CMTM4: variants seen among roughly 807,000 people sequenced by gnomAD.
CMTM4 encodes CKLF like MARVEL transmembrane domain containing 4.
CMTM4 carries 8 observed loss-of-function variants against 19.0 expected under a neutral mutation model. The observed-to-expected ratio is 0.42, with a 90% CI of 0.25 to 0.76. The LOEUF (loss-of-function observed/expected upper bound fraction) is 0.76, where lower values mean the gene tolerates loss of function less well. CMTM4 is among the 30% of genes least tolerant of loss of function. The probability of loss-of-function intolerance (pLI) is 0.27; values close to 1 mark genes in which losing one functional copy is unlikely to be tolerated. For missense variants in CMTM4, 228 were observed against 290.2 expected, an observed-to-expected ratio of 0.79 and a Z score of 1.56; for synonymous variants, 106 against 121.1, an observed-to-expected ratio of 0.88 and a Z score of 0.82.
intron 1 of CMTM4, among the ~76,000 whole-genome samples, chr16:66,645,938 C>T (rs2016187214): frequency 3.3e-5 from 5 of 152,096 alleles, no homozygotes; most frequent in Non-Finnish European, 7.3e-5. Flanking sequence ...GAGATTGCGC[C>T]ACTGTACTCC....
At chr16:66,640,337 C>T (rs1016566218) in intron 1 of CMTM4, among the ~76,000 whole-genome samples, 1 of 152,158 alleles carries the variant, frequency 6.6e-6, no homozygotes, top group Non-Finnish European at 1.5e-5. Context: ...AAAGTTTAGA[C>T]AGAGTGTCCC....
At position 66,696,161 on chromosome 16, in the gene CMTM4, A is replaced by T. The variant is rs1236694925; in HGVS notation, c.186+179T>A. 6.6e-6 allele frequency among the ~76,000 whole-genome samples: 1 copy of T among 152,136 alleles called. No individual in the cohort carries two copies. Among genetic ancestry groups the T allele is most frequent in the African/African-American group, 2.4e-5 (1 of 41,452 alleles). ...CCTGGGAAGGGCAGGCTCTGGCCGA[A>T]GGCGGGGTCCCCAGAGAAGGCTGCA... On this transcript the variant is annotated intron_variant, in intron 1 of 3. Coordinates refer to ENST00000394106, the MANE Select transcript of CMTM4 (RefSeq NM_181521.3). The surrounding 1 kb of genome is among the most constrained non-coding windows in gnomAD (Gnocchi z 4.3).
At chr16:66,694,518 G>C (rs1338915629) in intron 1 of CMTM4, among the ~76,000 whole-genome samples, 3 of 151,762 alleles carry the variant, frequency 2.0e-5, no homozygotes, top group Non-Finnish European at 1.5e-5. Context: ...GACCAGCCTG[G>C]CCAGGCCAAC....
In CMTM4 at chr16:66,619,227, G is replaced by A. The variant is rs1366925550; in HGVS notation, c.*2831C>T. ...GAAGGATATCAAAGAGAATCAGAGG[G>A]AAAAAATACCAAATCCACCCAATCA... On this transcript the variant is annotated 3_prime_UTR_variant, in exon 4 of 4. Coordinates refer to ENST00000394106, the MANE Select transcript of CMTM4 (RefSeq NM_181521.3). 2.0e-6 allele frequency: 2 copies of A among 985,270 alleles called. No individual in the cohort carries two copies. The highest frequency in any genetic ancestry group is 1.2e-4 in the Admixed American group (2 of 16,266). 61.0% of individuals were successfully genotyped at this position (985,270 alleles called of 1,614,324 possible).
chr16:66,607,602 A>C, the CMTM4 span, among the ~76,000 whole-genome samples: 194 of 152,332 alleles, frequency 1.3e-3, 3 homozygotes, highest in East Asian at 0.014. Context: ...TTTCAAGGTG[A>C]AATCTACATT....
chr16:66,630,063 C>T (rs2015819123), intron 2 of CMTM4, among the ~76,000 whole-genome samples: 1 of 152,138 alleles, frequency 6.6e-6, no homozygotes, highest in Non-Finnish European at 1.5e-5. Context: ...CGAATCTGTA[C>T]TCAGCCAGAC....
chr16:66,623,089 G>A (rs1408399023), intron 3 of CMTM4, among the ~76,000 whole-genome samples: 1 of 152,188 alleles, frequency 6.6e-6, no homozygotes, highest in East Asian at 1.9e-4. Context: ...GGACTGTGTT[G>A]GAAACGAACC....
chr16:66,608,293 A>G, the CMTM4 span: 3 of 1,613,744 alleles, frequency 1.9e-6, no homozygotes, highest in South Asian at 1.1e-5. This position sits in a 1 kb window ranked among gnomAD's most constrained non-coding sequence, Gnocchi z 5.1. Context: ...CTTCACCTCA[A>G]ACTCCTTCCC....
rs1318554947 is a variant in CMTM4 at position 66,614,803 on chromosome 16, G to GT, written c.*7254dup. On this transcript the variant is annotated 3_prime_UTR_variant, in exon 4 of 4. Coordinates refer to ENST00000394106, the MANE Select transcript of CMTM4 (RefSeq NM_181521.3). The surrounding 1 kb of genome is among the most constrained non-coding windows in gnomAD (Gnocchi z 4.9). ...TCCTTCATGACAATTTAATACAATA[G>GT]TTATTAACGATTAGTGTTGAGAAAA... 1 of 152,226 alleles carries GT rather than the reference G, an allele frequency of 6.6e-6. No individual in the cohort carries two copies. The highest frequency in any genetic ancestry group is 1.9e-4 in the East Asian group (1 of 5,204). 9.4% of individuals were successfully genotyped at this position (152,226 alleles called of 1,614,324 possible).
intron 1 of CMTM4, among the ~76,000 whole-genome samples, chr16:66,665,733 G>A (rs1451528110): frequency 6.6e-6 from 1 of 151,836 alleles, no homozygotes; most frequent in African/African-American, 2.4e-5. Flanking sequence ...CAGAGATTAT[G>A]CTACCACGCT....
At chr16:66,654,020 T>C (rs112044002) in intron 1 of CMTM4, among the ~76,000 whole-genome samples, 6,568 of 152,064 alleles carry the variant, frequency 0.043, 267 homozygotes, top group East Asian at 0.16. Flanking sequence ...GGATTAAAGG[T>C]GTGAGCCACT....
In CMTM4 at chr16:66,660,557, GT is replaced by G. The variant is rs1355691067; in HGVS notation, c.187-23977del. Among the ~76,000 whole-genome samples, 4 of 152,298 alleles carry G rather than the reference GT, an allele frequency of 2.6e-5. No individual in the cohort carries two copies. In the South Asian group the frequency reaches 8.3e-4, roughly 32 times the overall value. On this transcript the variant is annotated intron_variant, in intron 1 of 3. Transcript: ENST00000394106. Reference sequence around the variant, plus strand: ...TGTAAATATATGCACACAGACATATGTGAACAAATACGGAGACAGTGTTACA... The same window carrying G: ...TGTAAATATATGCACACAGACATATGGAACAAATACGGAGACAGTGTTACA...
chr16:66,638,210 G>C (rs1377726359), intron 1 of CMTM4, among the ~76,000 whole-genome samples: 2 of 152,170 alleles, frequency 1.3e-5, no homozygotes, highest in Non-Finnish European at 2.9e-5. Context: ...GAGCTTTTAG[G>C]GGGCAGGGTA....
In CMTM4 at chr16:66,618,801, G is replaced by T. The variant is rs1222156255; in HGVS notation, c.*3257C>A. 1 of 985,364 alleles carries T rather than the reference G, an allele frequency of 1.0e-6. No homozygotes were observed. The highest frequency in any genetic ancestry group is 1.2e-6 in the Non-Finnish European group (1 of 829,950). 61.0% of individuals were successfully genotyped at this position (985,364 alleles called of 1,614,324 possible). A position where few individuals can be genotyped will look rare whatever the true frequency, so the allele number is the denominator to read the frequency against. On this transcript the variant is annotated 3_prime_UTR_variant, in exon 4 of 4. Coordinates refer to ENST00000394106, the MANE Select transcript of CMTM4 (RefSeq NM_181521.3). The stretch of plus-strand genomic sequence containing the variant: ...GTCCCAGAAGCACCCGACATAGGGT[G>T]GAGGTCAGACACATTCCCTGGCTGC...
intron 1 of CMTM4, among the ~76,000 whole-genome samples, chr16:66,677,071 T>C (rs1186985089): frequency 2.0e-5 from 3 of 151,988 alleles, no homozygotes; most frequent in Admixed American, 1.3e-4. Flanking sequence ...TAAGACCCTG[T>C]CTCTACAAAA....
the CMTM4 span, among the ~76,000 whole-genome samples, chr16:66,608,763 G>A: frequency 5.9e-5 from 9 of 152,292 alleles, no homozygotes; most frequent in African/African-American, 9.6e-5. The surrounding 1 kb of genome is among the most constrained non-coding windows in gnomAD (Gnocchi z 5.1). Flanking sequence ...ATGAGCTGCC[G>A]CCACAGGAAT....
chr16:66,617,352 G>C lies in CMTM4; in HGVS notation c.*4706C>G. ...TCCTTACTGTTACGTTTGTGGAGTA[G>C]GAAAAACTAGAAAGGAAAAAAAAAT... On this transcript the variant is annotated 3_prime_UTR_variant, in exon 4 of 4. Transcript: ENST00000394106. The C allele has an allele frequency of 6.2e-7, 1 of 1,612,582 alleles. No homozygotes were observed. Among genetic ancestry groups the C allele is most frequent in the Non-Finnish European group, 8.5e-7 (1 of 1,179,428 alleles).
At chr16:66,657,660 T>C (rs536887991) in intron 1 of CMTM4, among the ~76,000 whole-genome samples, 1 of 152,236 alleles carries the variant, frequency 6.6e-6, no homozygotes, top group Non-Finnish European at 1.5e-5. Flanking sequence ...TCTTTCAGTC[T>C]GTAATTATTT....
chr16:66,671,072 T>C (rs1191177185), intron 1 of CMTM4, among the ~76,000 whole-genome samples: 1 of 152,178 alleles, frequency 6.6e-6, no homozygotes, highest in Non-Finnish European at 1.5e-5. Context: ...GTTTTTGCCA[T>C]TTTGGAAAAT....
Sources: allele counts gnomAD v4.1 joint callset (sites outside exome capture counted in the v4.1 genomes callset), GRCh38; gene constraint gnomAD v4.1.1; non-coding constraint Gnocchi (gnomAD v3.1); transcripts MANE v1.5; gene names NCBI Gene and HGNC (gene_info 2026-07-23, HGNC 2026-07-21).